Variants in ADARB1 observed in about 807,000 individuals in gnomAD.
ADARB1 encodes the protein adenosine deaminase RNA specific B1.
ADARB1 carries 10 observed loss-of-function variants against 52.4 expected under a neutral mutation model. The observed-to-expected ratio is 0.19, with a 90% confidence interval of 0.12 to 0.32. The LOEUF (loss-of-function observed/expected upper bound fraction) is 0.32. Among genes scored for constraint, ADARB1 ranks in the 10% least tolerant of loss-of-function variants. ADARB1 has a pLI of 1.00. For synonymous variants in ADARB1, 349 were observed against 371.1 expected (o/e 0.94, Z 0.68); for missense variants, 643 against 922.3 (o/e 0.70, Z 3.92).
chr21:45,098,437 G>T (rs2086858644), intron 1 of ADARB1, among the ~76,000 whole-genome samples: 3 of 152,162 alleles, frequency 2.0e-5, no homozygotes. Context: ...CTCTTCCTCT[G>T]CTGACGGCCC....
chr21:45,225,549 A>G lies in ADARB1; in HGVS notation c.*3352A>G. The stretch of plus-strand genomic sequence containing the variant: ...TCTCTCCTTGTAATCTCACACAGGT[A>G]CACTGAGGAGGGGACGGCTCCGTCT... On this transcript the variant is annotated 3_prime_UTR_variant, in exon 11 of 11. Coordinates refer to ENST00000348831, the MANE Select transcript of ADARB1 (RefSeq NM_001112.4). The G allele has an allele frequency of 7.5e-7, 1 of 1,340,928 alleles. No individual in the cohort carries two copies. Among genetic ancestry groups the G allele is most frequent in the Non-Finnish European group, 9.7e-7 (1 of 1,033,750 alleles). The allele number at this position is 1,340,928 out of a possible 1,614,324, so 83.1% of individuals were successfully genotyped here.
At chr21:45,199,753 T>C (rs1240608627) in intron 8 of ADARB1, among the ~76,000 whole-genome samples, 4 of 152,298 alleles carry the variant, frequency 2.6e-5, no homozygotes, top group African/African-American at 9.6e-5. Flanking sequence ...AAGCCACATA[T>C]TGGGAAGAGA....
intron 1 of ADARB1, among the ~76,000 whole-genome samples, chr21:45,113,250 C>G (rs1328749526): frequency 6.6e-6 from 1 of 151,940 alleles, no homozygotes; most frequent in African/African-American, 2.4e-5. Context: ...TGGTGAAACC[C>G]CATCTCTACT....
chr21:45,215,061 T>A (rs2092835709), intron 9 of ADARB1, among the ~76,000 whole-genome samples: 1 of 152,140 alleles, frequency 6.6e-6, no homozygotes, highest in African/African-American at 2.4e-5. Flanking sequence ...CTGTTTTTTG[T>A]TTTAGAGACA....
At chr21:45,151,282 C>T (rs1408216568) in intron 2 of ADARB1, among the ~76,000 whole-genome samples, 1 of 152,192 alleles carries the variant, frequency 6.6e-6, no homozygotes, top group Non-Finnish European at 1.5e-5. Context: ...ACTATGCTTA[C>T]GCAGAGTGTG....
intron 8 of ADARB1, among the ~76,000 whole-genome samples, chr21:45,192,886 A>AAGT (rs920688861): frequency 2.0e-5 from 3 of 152,230 alleles, no homozygotes; most frequent in African/African-American, 7.2e-5. Flanking sequence ...ACTTAAGAAG[A>AAGT]AGTAGATAAC....
intron 2 of ADARB1, among the ~76,000 whole-genome samples, chr21:45,154,662 T>C (rs780154089): frequency 1.3e-5 from 2 of 152,206 alleles, no homozygotes; most frequent in Non-Finnish European, 2.9e-5. Flanking sequence ...GTTACTGCCT[T>C]CCACAGGGCA....
intron 1 of ADARB1, among the ~76,000 whole-genome samples, chr21:45,093,543 C>T (rs890425251): frequency 1.3e-5 from 2 of 152,212 alleles, no homozygotes; most frequent in African/African-American, 2.4e-5. Context: ...CATGCTGTGA[C>T]TCTGGAACTA....
At chr21:45,159,061 A>G (rs1426264199) in intron 2 of ADARB1, among the ~76,000 whole-genome samples, 1 of 152,216 alleles carries the variant, frequency 6.6e-6, no homozygotes, top group Non-Finnish European at 1.5e-5. Context: ...TACAAAATAA[A>G]CTTTATGAAA....
chr21:45,191,538 A>G (rs2092281404), intron 8 of ADARB1, among the ~76,000 whole-genome samples: 1 of 152,106 alleles, frequency 6.6e-6, no homozygotes, highest in Non-Finnish European at 1.5e-5. Context: ...TCTATTTTTA[A>G]TAATGGTAAA....
intron 4 of ADARB1, among the ~76,000 whole-genome samples, chr21:45,179,634 C>T (rs1353893480): frequency 6.6e-6 from 1 of 152,178 alleles, no homozygotes; most frequent in Non-Finnish European, 1.5e-5. Flanking sequence ...GTGTTCCGAA[C>T]GTCTAAGCGC....
rs768353330 is a variant in ADARB1, at chr21:45,164,688, CGAT to C, written c.-47-6919_-47-6917del. Reference sequence around the variant, plus strand: ...TCTGGTGGGCATAGCGAAGGGCTGACGATGAGCACATGGGCATGTGTTAGAGCA... The same window carrying C: ...TCTGGTGGGCATAGCGAAGGGCTGACGAGCACATGGGCATGTGTTAGAGCA... On this transcript the variant is annotated intron_variant, in intron 2 of 10. Transcript: ENST00000348831. Among the ~76,000 whole-genome samples, 48 of 152,046 alleles carry C rather than the reference CGAT, an allele frequency of 3.2e-4. 2 individuals are homozygous for C. Among genetic ancestry groups the C allele is most frequent in the Admixed American group, 3.1e-3 (48 of 15,286 alleles).
chr21:45,096,611 C>T (rs1453831781), intron 1 of ADARB1, among the ~76,000 whole-genome samples: 11 of 152,186 alleles, frequency 7.2e-5, no homozygotes, highest in Admixed American at 7.2e-4. Context: ...TCCCCATGTA[C>T]TTCCTCGAGG....
chr21:45,124,637 C>T (rs1228006823), intron 1 of ADARB1, among the ~76,000 whole-genome samples: 1 of 152,162 alleles, frequency 6.6e-6, no homozygotes, highest in Non-Finnish European at 1.5e-5. Flanking sequence ...CTCGGCCTCC[C>T]AAAGTGCTGG....
Position 45,225,663 on chromosome 21 carries a change from T to C in ADARB1, c.*3466T>C, listed in dbSNP as rs765295992. 2.0e-6 allele frequency: 2 copies of C among 1,011,708 alleles called. No individual in the cohort carries two copies. Among genetic ancestry groups the C allele is most frequent in the Admixed American group, 3.2e-5 (1 of 31,626 alleles). 62.7% of individuals were successfully genotyped at this position (1,011,708 alleles called of 1,614,324 possible). On this transcript the variant is annotated 3_prime_UTR_variant, in exon 11 of 11. Coordinates refer to ENST00000348831, the MANE Select transcript of ADARB1 (RefSeq NM_001112.4). ...GCCCATGTCTCAAAACAAACACATGTACAGTGGCTCTTTTTCCTTCTCAAA... is the reference window on the plus strand; with the variant it reads ...GCCCATGTCTCAAAACAAACACATGCACAGTGGCTCTTTTTCCTTCTCAAA...
intron 1 of ADARB1, among the ~76,000 whole-genome samples, chr21:45,097,473 T>C (rs796426815): frequency 1.4e-5 from 2 of 147,932 alleles, no homozygotes; most frequent in East Asian, 3.9e-4. Flanking sequence ...GAAGCCATTG[T>C]GGTTGGGGGC....
intron 1 of ADARB1, chr21:45,100,628 A>G (rs1322081483): frequency 6.6e-6 from 1 of 152,264 alleles, no homozygotes; most frequent in Non-Finnish European, 1.5e-5. Flanking sequence ...GAGGCTCTTC[A>G]TGGAATCCCT....
chr21:45,203,194 C>T (rs2092597104), intron 8 of ADARB1, among the ~76,000 whole-genome samples: 1 of 152,034 alleles, frequency 6.6e-6, no homozygotes, highest in African/African-American at 2.4e-5. Context: ...CTTAGGGGCC[C>T]CTGCCCTGCC....
chr21:45,159,676 C>G (rs1207733042), intron 2 of ADARB1, among the ~76,000 whole-genome samples: 1 of 152,134 alleles, frequency 6.6e-6, no homozygotes, highest in Non-Finnish European at 1.5e-5. Context: ...CGAATAGGCC[C>G]CTTTGCACCT....
Sources: allele counts gnomAD v4.1 joint callset (sites outside exome capture counted in the v4.1 genomes callset), GRCh38; gene constraint gnomAD v4.1.1; transcripts MANE v1.5; gene names NCBI Gene and HGNC (gene_info 2026-07-23, HGNC 2026-07-21).